Variants in MYBPHL observed in about 807,000 individuals in gnomAD.
MYBPHL encodes myosin binding protein H like.
MYBPHL carries 32 observed loss-of-function variants against 39.5 expected under a neutral mutation model. That is an observed-to-expected ratio of 0.81 (90% confidence interval 0.61 to 1.09). The LOEUF (loss-of-function observed/expected upper bound fraction) is 1.09, where lower values mean the gene tolerates loss of function less well. Among genes scored for constraint, MYBPHL ranks in the 50% least tolerant of loss-of-function variants. MYBPHL has a pLI of 0.00. For synonymous variants in MYBPHL, 196 were observed against 183.7 expected (o/e 1.07, Z -0.54); for missense variants, 456 against 460.2 (o/e 0.99, Z 0.08).
At chr1:109,296,172 A>T in intron 6 of MYBPHL, 62 bp downstream of exon 6, 1 of 1,581,944 alleles carries the variant, frequency 6.3e-7, no homozygotes, top group Non-Finnish European at 8.6e-7. Flanking sequence ...AACTCAGCTT[A>T]GGTTAGGACA....
chr1:109,296,879 C>T lies in MYBPHL; in HGVS notation c.634G>A (p.Gly212Ser), dbSNP rs140827712. 440 of 1,614,082 alleles carry T rather than the reference C, an allele frequency of 2.7e-4. 1 individual carries two copies. The Middle Eastern group carries it at 3.6e-3, about 13-fold the overall frequency. ...TSCIVSDLIIGNSYAFRVFAE... is the reference protein window; with the variant it reads ...TSCIVSDLIISNSYAFRVFAE... ...AAGACACGGAAGGCATAGGAGTTGC[C>T]GATGATGAGGTCAGAGACGATGCAG... The change falls in exon 5 of 9, where the codon GGC (glycine) becomes AGC (serine). Residue 212 changes from glycine to serine, a missense_variant. By Grantham distance (56) the Gly-to-Ser change is moderately conservative. Coordinates refer to ENST00000357155, the MANE Select transcript of MYBPHL (RefSeq NM_001010985.3).
At chr1:109,297,400 T>C in intron 3 of MYBPHL, 22 bp downstream of exon 3, 2 of 1,600,538 alleles carry the variant, frequency 1.2e-6, no homozygotes, top group Non-Finnish European at 1.7e-6. Context: ...GACCCCCCCA[T>C]CTCCCACTTC....
At chr1:109,293,365 A>G in intron 8 of MYBPHL, among the ~76,000 whole-genome samples, 1 of 152,192 alleles carries the variant, frequency 6.6e-6, no homozygotes, top group East Asian at 1.9e-4. Flanking sequence ...CGACTTGAGG[A>G]GTGCAGACAT....
Position 109,292,429 on chromosome 1 carries a change from G to T in MYBPHL, c.*193C>A, listed in dbSNP as rs1657899163. ...AGACATGGTGCCGAAGCTCCTTGAG[G>T]ACACAGTCTCACCACTGGCGGGCTT... On this transcript the variant is annotated 3_prime_UTR_variant, in exon 9 of 9. Transcript: ENST00000357155. 6.6e-6 allele frequency: 1 copy of T among 152,218 alleles called. No homozygotes were observed. Among genetic ancestry groups the T allele is most frequent in the Non-Finnish European group, 1.5e-5 (1 of 68,042 alleles). The allele number at this position is 152,218 out of a possible 1,614,324, so 9.4% of individuals were successfully genotyped here.
chr1:109,306,856 G>T lies in MYBPHL; in HGVS notation c.136C>A (p.Pro46Thr). 6.3e-7 allele frequency: 1 copy of T among 1,581,188 alleles called. No homozygotes were observed. The highest frequency in any genetic ancestry group is 2.3e-5 in the East Asian group (1 of 42,964). Reference sequence around the variant, plus strand: ...ACCTGCCATGGGTCACCTTCTATAGGGGGCAGGAGCTGGGGAGTGGGGCTG... The same window carrying T: ...ACCTGCCATGGGTCACCTTCTATAGTGGGCAGGAGCTGGGGAGTGGGGCTG... ...AGSPTPQLLP[P>T]IEEHPKIWLP... Residue 46 changes from proline to threonine, a missense_variant, in exon 1 of 9, where the codon CCT becomes ACT. Coordinates refer to ENST00000357155, the MANE Select transcript of MYBPHL (RefSeq NM_001010985.3).
chr1:109,299,160 C>T (rs997014182), intron 1 of MYBPHL, among the ~76,000 whole-genome samples: 15 of 152,298 alleles, frequency 9.8e-5, no homozygotes, highest in African/African-American at 2.9e-4. Context: ...CTGGCCTTTT[C>T]CTGGCTGCTG....
At chr1:109,303,079 G>T (rs557568048) in intron 1 of MYBPHL, among the ~76,000 whole-genome samples, 1 of 152,216 alleles carries the variant, frequency 6.6e-6, no homozygotes, top group Non-Finnish European at 1.5e-5. Flanking sequence ...AGAACTATCT[G>T]CAGAATAGTT....
intron 1 of MYBPHL, among the ~76,000 whole-genome samples, chr1:109,298,842 C>T (rs1409206931): frequency 3.3e-5 from 5 of 152,106 alleles, no homozygotes; most frequent in South Asian, 2.1e-4. Context: ...ACTCTGCTCC[C>T]GGGCGCCTGC....
At chr1:109,295,370 T>C in intron 6 of MYBPHL, 73 bp from the exon 7 acceptor site, 1 of 1,382,344 alleles carries the variant, frequency 7.2e-7, no homozygotes, top group Non-Finnish European at 9.9e-7. Flanking sequence ...GTGCTCAGTT[T>C]CTGGGACTCT....
rs1464925519 is a variant in MYBPHL, at chr1:109,306,830, C to G, written c.145+17G>C. On this transcript the variant is annotated intron_variant, in intron 1 of 8. Transcript: ENST00000357155. The stretch of plus-strand genomic sequence containing the variant: ...CACCACCCGGCCTCCCCACCCTCCC[C>G]ACCTGCCATGGGTCACCTTCTATAG... 1.3e-6 allele frequency: 2 copies of G among 1,547,844 alleles called. No individual in the cohort carries two copies. Among genetic ancestry groups the G allele is most frequent in the Non-Finnish European group, 8.7e-7 (1 of 1,151,652 alleles).
At chr1:109,295,451 A>G (rs1325754948) in intron 6 of MYBPHL, among the ~76,000 whole-genome samples, 154 bp from the exon 7 acceptor site, 1 of 152,204 alleles carries the variant, frequency 6.6e-6, no homozygotes. Context: ...TTCCCCTTCC[A>G]GTGCCACCAG....
intron 8 of MYBPHL, 143 bp downstream of exon 8, chr1:109,294,063 C>CA (rs907574517): frequency 5.8e-3 from 3,122 of 539,428 alleles, no homozygotes; most frequent in South Asian, 7.8e-3. Flanking sequence ...GACATCATTT[C>CA]AAAAAAAAAA....
At chr1:109,301,141 T>A (rs1658262145) in intron 1 of MYBPHL, among the ~76,000 whole-genome samples, 1 of 152,162 alleles carries the variant, frequency 6.6e-6, no homozygotes, top group African/African-American at 2.4e-5. Flanking sequence ...TTTTCACACA[T>A]CCGCAGTCAA....
At chr1:109,293,789 C>T (rs1421633371) in intron 8 of MYBPHL, among the ~76,000 whole-genome samples, 1 of 151,346 alleles carries the variant, frequency 6.6e-6, no homozygotes, top group Non-Finnish European at 1.5e-5. Flanking sequence ...AACAGCTGGG[C>T]ATGTCGGCTC....
rs139190609 is a variant in MYBPHL at position 109,297,503 on chromosome 1, G to A, written c.349C>T (p.Arg117Cys). 920 of 1,613,680 alleles carry A rather than the reference G, an allele frequency of 5.7e-4. 3 individuals are homozygous for A. Among genetic ancestry groups the A allele is most frequent in the Non-Finnish European group, 6.8e-4 (806 of 1,180,038 alleles). The change falls in exon 3 of 9, where the codon CGT becomes TGT. Residue 117 changes from arginine (R) to cysteine (C), a missense_variant. Physicochemically the swap from Arg to Cys is radical, Grantham distance 180. Transcript: ENST00000357155. ...AGTTGGTAGCGACCTGAGTCAGCAC[G>A]TTGGGCTTCTCGGATGAAGAGGATG... is the stretch of plus-strand genomic sequence containing the variant. ...DSILFIREAQ[R>C]ADSGRYQLRV...
In MYBPHL at chr1:109,298,231, C is replaced by T; in HGVS notation, c.172G>A (p.Ala58Thr). The T allele has an allele frequency of 6.2e-7, 1 of 1,609,928 alleles. No homozygotes were observed. Among genetic ancestry groups the T allele is most frequent in the South Asian group, 1.1e-5 (1 of 90,254 alleles). ...EEHPKIWLPR[A>T]LRQTYIRKVG... Reference sequence around the variant, plus strand: ...TTCCGGATGTAGGTCTGCCTCAGGGCCCGAGGTAGCCAGATCTTGGGGTGC... The same window carrying T: ...TTCCGGATGTAGGTCTGCCTCAGGGTCCGAGGTAGCCAGATCTTGGGGTGC... The change falls in exon 2 of 9, where the codon GCC (alanine) becomes ACC (threonine). Residue 58 changes from alanine (A) to threonine (T), a missense_variant. By Grantham distance (58) the Ala-to-Thr change is moderately conservative. Coordinates refer to ENST00000357155, the MANE Select transcript of MYBPHL (RefSeq NM_001010985.3).
At chr1:109,301,412 G>A (rs1658272223) in intron 1 of MYBPHL, among the ~76,000 whole-genome samples, 1 of 152,180 alleles carries the variant, frequency 6.6e-6, no homozygotes, top group Admixed American at 6.5e-5. Flanking sequence ...TCTCAGACAG[G>A]ATGCTGTTTA....
chr1:109,294,351 G>C lies in MYBPHL; in HGVS notation c.1055-102C>G, dbSNP rs2101465975. 5 of 1,139,220 alleles carry C rather than the reference G, an allele frequency of 4.4e-6. No individual in the cohort carries two copies. The Admixed American group carries it at 8.9e-5, about 20-fold the overall frequency. 70.6% of individuals were successfully genotyped at this position (1,139,220 alleles called of 1,614,324 possible). ...GAATATTCTATTTCAGGTTCTTGGG[G>C]AGTCAATGGTGCTAATTAGGTAGTC... On this transcript the variant is annotated intron_variant, in intron 7 of 8. Coordinates refer to ENST00000357155, the MANE Select transcript of MYBPHL (RefSeq NM_001010985.3).
intron 2 of MYBPHL, 30 bp downstream of exon 2, chr1:109,298,139 A>G (rs1658151484): frequency 6.4e-7 from 1 of 1,551,738 alleles, no homozygotes; most frequent in Non-Finnish European, 8.8e-7. Flanking sequence ...GGCCCCAGAC[A>G]TGGACCCAGT....
Sources: allele counts gnomAD v4.1 joint callset (sites outside exome capture counted in the v4.1 genomes callset), GRCh38; gene constraint gnomAD v4.1.1; transcripts MANE v1.5; gene names NCBI Gene and HGNC (gene_info 2026-07-23, HGNC 2026-07-21).